PTBP3: variants seen among roughly 807,000 people sequenced by gnomAD.
PTBP3 encodes the protein polypyrimidine tract binding protein 3.
Under a neutral mutation model 58.7 loss-of-function variants are expected in PTBP3, and 20 were observed. The observed-to-expected ratio is 0.34, with a 90% CI of 0.24 to 0.50. PTBP3 has a LOEUF of 0.50. Among genes scored for constraint, PTBP3 ranks in the 20% least tolerant of loss-of-function variants. PTBP3 has a pLI of 0.98. For synonymous variants in PTBP3, 185 were observed against 219.8 expected (o/e 0.84, Z 1.40); for missense variants, 509 against 637.2 (o/e 0.80, Z 2.17).
intron 1 of PTBP3, among the ~76,000 whole-genome samples, chr9:112,311,317 C>CT (rs955888773): frequency 9.2e-5 from 14 of 151,908 alleles, no homozygotes; most frequent in Admixed American, 1.3e-4. Flanking sequence ...CATGTACAGA[C>CT]TTTTTTTGTC....
chr9:112,265,519 C>G (rs1472536244), intron 4 of PTBP3, among the ~76,000 whole-genome samples: 1 of 151,952 alleles, frequency 6.6e-6, no homozygotes, highest in African/African-American at 2.4e-5. Flanking sequence ...AAAATTCTGT[C>G]TCCAAAAACA....
the PTBP3 span, among the ~76,000 whole-genome samples, chr9:112,354,829 A>T: frequency 6.6e-6 from 1 of 152,186 alleles, no homozygotes; most frequent in Non-Finnish European, 1.5e-5. Context: ...TAGAAGATAA[A>T]AAAGAGCTGA....
chr9:112,251,277 A>G (rs1836104636), intron 6 of PTBP3, among the ~76,000 whole-genome samples, 174 bp from the exon 7 acceptor site: 1 of 152,198 alleles, frequency 6.6e-6, no homozygotes, highest in South Asian at 2.1e-4. Context: ...CTAAGAGAGA[A>G]AAAGAAAATC....
chr9:112,250,582 T>C (rs1311579749), intron 7 of PTBP3, among the ~76,000 whole-genome samples: 3 of 152,290 alleles, frequency 2.0e-5, no homozygotes, highest in Non-Finnish European at 2.9e-5. Context: ...AGTATTTTTC[T>C]CAAGAGCATA....
At chr9:112,325,599 T>TAAA (rs56025050) in intron 1 of PTBP3, among the ~76,000 whole-genome samples, 2,393 of 144,508 alleles carry the variant, frequency 0.017, 38 homozygotes, top group Non-Finnish European at 0.027. Flanking sequence ...TCACAGAAAT[T>TAAA]AAAAAAAAAA....
At chr9:112,372,658 TA>T in the PTBP3 span, among the ~76,000 whole-genome samples, 1 of 152,192 alleles carries the variant, frequency 6.6e-6, no homozygotes, top group Non-Finnish European at 1.5e-5. Context: ...AATGGAATCA[TA>T]AAATAGGTGA....
At chr9:112,347,912 T>C in the PTBP3 span, among the ~76,000 whole-genome samples, 2 of 152,216 alleles carry the variant, frequency 1.3e-5, no homozygotes, top group African/African-American at 2.4e-5. Flanking sequence ...AATTTATATA[T>C]ATTACACATA....
chr9:112,377,558 A>T, the PTBP3 span, among the ~76,000 whole-genome samples: 5 of 152,196 alleles, frequency 3.3e-5, no homozygotes, highest in Admixed American at 6.5e-5. Flanking sequence ...GAATTCTTCT[A>T]AATTCTCCAA....
chr9:112,322,860 T>G (rs1196443399), intron 1 of PTBP3, among the ~76,000 whole-genome samples: 1 of 152,170 alleles, frequency 6.6e-6, no homozygotes, highest in African/African-American at 2.4e-5. Context: ...CCCGAGGTGG[T>G]AGGTCACATA....
intron 2 of PTBP3, among the ~76,000 whole-genome samples, chr9:112,276,676 G>A (rs567176371): frequency 2.8e-4 from 43 of 151,848 alleles, no homozygotes; most frequent in African/African-American, 1.0e-3. Context: ...GGAACCCAAC[G>A]ACCTGCTTTA....
chr9:112,289,233 T>C (rs1201194843), intron 2 of PTBP3, among the ~76,000 whole-genome samples: 1 of 152,176 alleles, frequency 6.6e-6, no homozygotes, highest in African/African-American at 2.4e-5. Flanking sequence ...CCAGGATCAT[T>C]TGCTAAATCT....
intron 2 of PTBP3, among the ~76,000 whole-genome samples, chr9:112,290,699 T>TAC (rs1221818154): frequency 3.5e-3 from 226 of 64,592 alleles, no homozygotes; most frequent in South Asian, 8.3e-3. Context: ...TATATATATA[T>TAC]ATATATATAC....
At chr9:112,241,838 C>T (rs1835671987) in intron 7 of PTBP3, among the ~76,000 whole-genome samples, 1 of 152,198 alleles carries the variant, frequency 6.6e-6, no homozygotes, top group South Asian at 2.1e-4. Context: ...CAGGCAACCA[C>T]TGATCTTTCT....
rs1209600329 is a variant in PTBP3 at position 112,282,829 on chromosome 9, C to A, written c.35-6816G>T. On this transcript the variant is annotated intron_variant, in intron 2 of 13. Transcript: ENST00000374257. ...GTGATATGGTTTGGCTGTGTCCCCACCCAAATCTCATCTAGAATTGTAATC... is the reference window on the plus strand; with the variant it reads ...GTGATATGGTTTGGCTGTGTCCCCAACCAAATCTCATCTAGAATTGTAATC... 2.6e-5 allele frequency among the ~76,000 whole-genome samples: 4 copies of A among 152,244 alleles called. No homozygotes were observed. The East Asian group carries it at 7.7e-4, about 29-fold the overall frequency.
Position 112,234,874 on chromosome 9 carries a change from G to T in PTBP3, c.826C>A (p.Pro276Thr). Residue 276 changes from proline (P) to threonine (T), a missense_variant, in exon 8 of 14, where the codon CCA (proline) becomes ACA (threonine). Around this residue, in one of 4 missense-constraint regions of PTBP3, gnomAD observed 121 missense variants for 114.8 expected, o/e 1.05. Coordinates refer to ENST00000374257, the MANE Select transcript of PTBP3 (RefSeq NM_001163788.4). Reference sequence around the variant, plus strand: ...GCAAATCCAGCAGCCCCTGCATATGGTGAAGAAATTATACCCGGTGCACCT... The same window carrying T: ...GCAAATCCAGCAGCCCCTGCATATGTTGAAGAAATTATACCCGGTGCACCT... ...AFGAPGIISS[P>T]YAGAAGFAPA... 1 of 1,612,772 alleles carries T rather than the reference G, an allele frequency of 6.2e-7. No individual in the cohort carries two copies. The highest frequency in any genetic ancestry group is 8.5e-7 in the Non-Finnish European group (1 of 1,179,066).
At chr9:112,263,486 G>A (rs2132135152) in intron 4 of PTBP3, among the ~76,000 whole-genome samples, 1 of 152,282 alleles carries the variant, frequency 6.6e-6, no homozygotes, top group East Asian at 1.9e-4. Context: ...GTGATGTTCT[G>A]TCAAAGACAG....
At chr9:112,273,794 AT>A (rs1428620341) in intron 3 of PTBP3, among the ~76,000 whole-genome samples, 71 of 152,364 alleles carry the variant, frequency 4.7e-4, no homozygotes, top group African/African-American at 1.7e-3. Context: ...GAGAAAAGTT[AT>A]CACTCAACAA....
At chr9:112,370,061 T>C in the PTBP3 span, among the ~76,000 whole-genome samples, 3 of 152,208 alleles carry the variant, frequency 2.0e-5, no homozygotes, top group East Asian at 5.8e-4. Flanking sequence ...CATGTGGAAC[T>C]GTGAGCTTAT....
chr9:112,321,699 G>T (rs574566994), intron 1 of PTBP3, among the ~76,000 whole-genome samples: 1 of 152,084 alleles, frequency 6.6e-6, no homozygotes, highest in African/African-American at 2.4e-5. Flanking sequence ...GAATCTGCTG[G>T]AACTATAAAT....
Sources: allele counts gnomAD v4.1 joint callset (sites outside exome capture counted in the v4.1 genomes callset), GRCh38; gene constraint gnomAD v4.1.1; regional missense constraint gnomAD v4.1.1; transcripts MANE v1.5; gene names NCBI Gene and HGNC (gene_info 2026-07-23, HGNC 2026-07-21).